CACNA1C: variants seen among roughly 807,000 people sequenced by gnomAD.
The protein encoded by CACNA1C is voltage-dependent L-type calcium channel subunit alpha-1C.
A neutral mutation model predicts 229.0 loss-of-function variants in CACNA1C; 30 were observed. The ratio of observed to expected loss-of-function variants is 0.13; its 90% CI spans 0.10 to 0.18. The LOEUF (loss-of-function observed/expected upper bound fraction) is 0.18. Ranked by LOEUF, CACNA1C falls within the 10% of genes least tolerant of loss-of-function variation. The pLI, the probability that CACNA1C is intolerant of heterozygous loss-of-function variation, is 1.00. For synonymous variants in CACNA1C, 1,114 were observed against 1,132.5 expected (o/e 0.98, Z 0.33); for missense variants, 1,658 against 2,845.0 (o/e 0.58, Z 9.49).
chr12:2,682,765 T>C, intron 43 of CACNA1C, 87 bp downstream of exon 43: 2 of 1,300,256 alleles, frequency 1.5e-6, no homozygotes, highest in Middle Eastern at 4.9e-4. Flanking sequence ...ATCCCTCCTC[T>C]GGGGCTGATT....
chr12:2,142,351 G>A (rs1355954747), intron 3 of CACNA1C, among the ~76,000 whole-genome samples: 1 of 151,082 alleles, frequency 6.6e-6, no homozygotes, highest in African/African-American at 2.4e-5. Context: ...TGTGTGTGGT[G>A]GTGTGGTGCT....
chr12:2,417,941 C>T (rs1232209426), intron 3 of CACNA1C, among the ~76,000 whole-genome samples: 1 of 152,110 alleles, frequency 6.6e-6, no homozygotes, highest in African/African-American at 2.4e-5. Context: ...TGCGGGGCCT[C>T]CCAGGTACAG....
At chr12:2,106,810 G>T (rs1289319772) in intron 1 of CACNA1C, among the ~76,000 whole-genome samples, 1 of 121,824 alleles carries the variant, frequency 8.2e-6, no homozygotes, top group Non-Finnish European at 1.7e-5. Flanking sequence ...CTCACCCCGG[G>T]GAGGGTTTCC....
chr12:2,092,627 G>A (rs1055809363), intron 1 of CACNA1C, among the ~76,000 whole-genome samples: 2 of 152,196 alleles, frequency 1.3e-5, no homozygotes, highest in African/African-American at 4.8e-5. Context: ...AGGAGAGGGT[G>A]ACTCTTGGGT....
Position 1,979,105 on chromosome 12 carries a change from C to T in CACNA1C, c.139+7904C>T, listed in dbSNP as rs377040977. On this transcript the variant is annotated intron_variant, in intron 1 of 46. Coordinates refer to the CACNA1C transcript ENST00000682462. Reference sequence around the variant, plus strand: ...GCTCACTGCTGCAACCTCCGCCTCCCGCGTTCAAGAAATTCTCCTGCCTCA... The same window carrying T: ...GCTCACTGCTGCAACCTCCGCCTCCTGCGTTCAAGAAATTCTCCTGCCTCA... Among the ~76,000 whole-genome samples, 25 of 151,804 alleles carry T rather than the reference C, an allele frequency of 1.6e-4. No individual in the cohort carries two copies. The East Asian group carries it at 2.3e-3, about 14-fold the overall frequency.
intron 38 of CACNA1C, among the ~76,000 whole-genome samples, chr12:2,671,485 T>G (rs992514470): frequency 7.2e-5 from 11 of 152,288 alleles, no homozygotes; most frequent in Non-Finnish European, 1.2e-4. Flanking sequence ...GTTACTCCCC[T>G]ATGTTCAGAG....
intron 3 of CACNA1C, among the ~76,000 whole-genome samples, chr12:2,228,000 G>C (rs1366121638): frequency 6.6e-6 from 1 of 152,144 alleles, no homozygotes. Flanking sequence ...CCTTGTGCTG[G>C]AGCGTCTGCA....
chr12:2,663,891 A>G (rs1028750788), intron 34 of CACNA1C, among the ~76,000 whole-genome samples: 11 of 151,850 alleles, frequency 7.2e-5, no homozygotes, highest in African/African-American at 2.4e-4. Flanking sequence ...ACAGGCGCCC[A>G]CCACCGCGCC....
intron 3 of CACNA1C, among the ~76,000 whole-genome samples, chr12:2,309,316 C>G (rs2095287495): frequency 6.6e-6 from 1 of 152,076 alleles, no homozygotes; most frequent in African/African-American, 2.4e-5. Context: ...GAGAGTAGAA[C>G]ATGTGTTGCC....
intron 3 of CACNA1C, among the ~76,000 whole-genome samples, chr12:2,400,441 C>T (rs935264464): frequency 6.6e-6 from 1 of 152,142 alleles, no homozygotes; most frequent in Non-Finnish European, 1.5e-5. Flanking sequence ...AGCATGCGAT[C>T]AGAGTCAGAG....
intron 3 of CACNA1C, among the ~76,000 whole-genome samples, chr12:2,213,648 C>T (rs916329397): frequency 7.2e-5 from 11 of 152,206 alleles, no homozygotes; most frequent in African/African-American, 1.9e-4. Flanking sequence ...TGACAGACAC[C>T]GTGTGGAGCT....
At chr12:1,982,542 T>TATC (rs35129667) in intron 1 of CACNA1C, among the ~76,000 whole-genome samples, 115,054 of 151,826 alleles carry the variant, frequency 0.76, 43,931 homozygotes, top group African/African-American at 0.87. Context: ...GTACTATATA[T>TATC]ATAATTTTAT....
intron 3 of CACNA1C, among the ~76,000 whole-genome samples, chr12:2,123,781 G>A (rs1242839372): frequency 6.6e-6 from 1 of 152,148 alleles, no homozygotes; most frequent in Non-Finnish European, 1.5e-5. Context: ...ATCACATTTA[G>A]CTTTCTTTCT....
chr12:2,157,689 A>G (rs895089202), intron 3 of CACNA1C, among the ~76,000 whole-genome samples: 30 of 152,236 alleles, frequency 2.0e-4, no homozygotes, highest in African/African-American at 6.8e-4. Flanking sequence ...ATGTCCCATC[A>G]GTTTTTGGTG....
chr12:2,203,812 A>G (rs1313411855), intron 3 of CACNA1C, among the ~76,000 whole-genome samples: 1 of 152,178 alleles, frequency 6.6e-6, no homozygotes, highest in Non-Finnish European at 1.5e-5. Flanking sequence ...TTCACACCAG[A>G]GAGCTTGCTA....
chr12:1,991,963 A>G, intron 1 of CACNA1C: 1 of 196,090 alleles, frequency 5.1e-6, no homozygotes, highest in Non-Finnish European at 1.1e-5. Flanking sequence ...TATTAATTTG[A>G]CATAAAATCT....
At chr12:2,516,700 A>C (rs111739552) in intron 9 of CACNA1C, among the ~76,000 whole-genome samples, 2,617 of 152,302 alleles carry the variant, frequency 0.017, 67 homozygotes, top group African/African-American at 0.06. Context: ...GATATGGGGA[A>C]GTCTGTGAGA....
chr12:2,088,486 C>T (rs1273079101), intron 1 of CACNA1C, among the ~76,000 whole-genome samples: 3 of 152,174 alleles, frequency 2.0e-5, no homozygotes, highest in Non-Finnish European at 4.4e-5. Context: ...GTGTTCTCAT[C>T]TGTGAAGTGG....
chr12:2,005,256 T>C (rs1046013699), intron 1 of CACNA1C, among the ~76,000 whole-genome samples: 12 of 152,362 alleles, frequency 7.9e-5, no homozygotes, highest in African/African-American at 2.9e-4. Context: ...ACAATTCTTT[T>C]TAACATTCTG....
Sources: allele counts gnomAD v4.1 joint callset (sites outside exome capture counted in the v4.1 genomes callset), GRCh38; gene constraint gnomAD v4.1.1; transcripts MANE v1.5; gene names NCBI Gene and HGNC (gene_info 2026-07-23, HGNC 2026-07-21).